LHFPL3: variants seen among roughly 807,000 people sequenced by gnomAD.
The protein encoded by LHFPL3 is LHFPL tetraspan subfamily member 3.
In LHFPL3, 5 loss-of-function variants were observed where a neutral mutation model predicts 19.3. That is an observed-to-expected ratio of 0.26 (90% confidence interval 0.14 to 0.54). The LOEUF (loss-of-function observed/expected upper bound fraction) is 0.54, where lower values mean the gene tolerates loss of function less well. Among genes scored for constraint, LHFPL3 ranks in the 20% least tolerant of loss-of-function variants. The pLI is 0.94. For missense variants in LHFPL3, 249 were observed against 307.4 expected (o/e 0.81, Z 1.42); for synonymous variants, 133 against 126.2 (o/e 1.05, Z -0.36).
At chr7:104,754,885 T>C (rs1329535266) in intron 2 of LHFPL3, among the ~76,000 whole-genome samples, 1 of 152,184 alleles carries the variant, frequency 6.6e-6, no homozygotes, top group East Asian at 1.9e-4. Flanking sequence ...TTGTTTTCTC[T>C]TCTATTTTCC....
intron 2 of LHFPL3, among the ~76,000 whole-genome samples, chr7:104,778,835 T>C (rs978431300): frequency 5.3e-5 from 8 of 152,194 alleles, no homozygotes; most frequent in Non-Finnish European, 1.0e-4. Flanking sequence ...TTCTCTAAAA[T>C]GGAGATAATG....
At chr7:104,363,626 G>A (rs1441948386) in intron 1 of LHFPL3, among the ~76,000 whole-genome samples, 1 of 152,230 alleles carries the variant, frequency 6.6e-6, no homozygotes, top group African/African-American at 2.4e-5. Flanking sequence ...TGTTGTGCAA[G>A]CGCTAACCTT....
intron 1 of LHFPL3, among the ~76,000 whole-genome samples, chr7:104,731,288 G>T (rs1485631084): frequency 7.0e-6 from 1 of 142,860 alleles, no homozygotes; most frequent in Admixed American, 7.3e-5. Context: ...GATGGGGATG[G>T]CATTGAATCT....
intron 1 of LHFPL3, among the ~76,000 whole-genome samples, chr7:104,583,550 C>A (rs1790504835): frequency 6.6e-6 from 1 of 152,170 alleles, no homozygotes; most frequent in African/African-American, 2.4e-5. Context: ...AAAATTTTTG[C>A]AACCTACTCA....
intron 1 of LHFPL3, among the ~76,000 whole-genome samples, chr7:104,509,648 TA>T (rs1287613479): frequency 6.6e-6 from 1 of 151,910 alleles, no homozygotes; most frequent in Non-Finnish European, 1.5e-5. Flanking sequence ...GGTAAAAAAT[TA>T]AATGCTTTGC....
chr7:104,679,509 C>T (rs557900946), intron 1 of LHFPL3, among the ~76,000 whole-genome samples: 1 of 152,332 alleles, frequency 6.6e-6, no homozygotes, highest in African/African-American at 2.4e-5. Flanking sequence ...TGTACCAAAA[C>T]ATGTGTGGAA....
intron 1 of LHFPL3, among the ~76,000 whole-genome samples, chr7:104,600,466 T>G (rs1790941889): frequency 6.6e-6 from 1 of 152,224 alleles, no homozygotes; most frequent in South Asian, 2.1e-4. Context: ...TCAATTTTGC[T>G]GTCACCAGAG....
chr7:104,698,379 GTAGACT>G (rs1425747346), intron 1 of LHFPL3, among the ~76,000 whole-genome samples: 3 of 152,156 alleles, frequency 2.0e-5, no homozygotes, highest in Non-Finnish European at 4.4e-5. Context: ...TTTTGGAGAA[GTAGACT>G]TAGATTTTTT....
At chr7:104,421,595 A>G (rs1791734393) in intron 1 of LHFPL3, among the ~76,000 whole-genome samples, 1 of 152,238 alleles carries the variant, frequency 6.6e-6, no homozygotes, top group South Asian at 2.1e-4. Context: ...AGGCTCAGCC[A>G]GAGAAGCCAG....
At chr7:104,733,264 A>G (rs1183485456) in intron 1 of LHFPL3, among the ~76,000 whole-genome samples, 1 of 152,142 alleles carries the variant, frequency 6.6e-6, no homozygotes, top group Non-Finnish European at 1.5e-5. Context: ...GCTGAATTCA[A>G]TTCCTGGATA....
chr7:104,828,910 C>T (rs1790877023), intron 2 of LHFPL3, among the ~76,000 whole-genome samples: 1 of 151,848 alleles, frequency 6.6e-6, no homozygotes, highest in Non-Finnish European at 1.5e-5. Context: ...TGGTGCACGC[C>T]TGTAATCCCA....
At chr7:104,658,019 AGAT>A (rs1792151146) in intron 1 of LHFPL3, among the ~76,000 whole-genome samples, 1 of 151,852 alleles carries the variant, frequency 6.6e-6, no homozygotes, top group Non-Finnish European at 1.5e-5. Context: ...GACAGAAAAA[AGAT>A]AGGGCCATTA....
At chr7:104,343,673 A>T (rs1227622185) in intron 1 of LHFPL3, among the ~76,000 whole-genome samples, 1 of 151,876 alleles carries the variant, frequency 6.6e-6, no homozygotes, top group Non-Finnish European at 1.5e-5. Context: ...AACCATTGTC[A>T]CTTCATCTGC....
At chr7:104,528,697 C>A (rs28694378) in intron 1 of LHFPL3, among the ~76,000 whole-genome samples, 2,405 of 152,120 alleles carry the variant, frequency 0.016, 65 homozygotes, top group African/African-American at 0.055. Flanking sequence ...CCTGAGAATA[C>A]CAAGCTTTTT....
intron 1 of LHFPL3, among the ~76,000 whole-genome samples, chr7:104,664,333 C>A (rs1337214824): frequency 3.9e-5 from 6 of 152,140 alleles, no homozygotes; most frequent in Non-Finnish European, 8.8e-5. Context: ...AATGACCCTC[C>A]AATTCTTTTT....
intron 1 of LHFPL3, among the ~76,000 whole-genome samples, chr7:104,580,954 T>C (rs1460234057): frequency 2.0e-5 from 3 of 152,118 alleles, no homozygotes; most frequent in African/African-American, 4.8e-5. Flanking sequence ...TAGGTTATTT[T>C]CAGTTTATGA....
At chr7:104,409,738 G>A in intron 1 of LHFPL3, among the ~76,000 whole-genome samples, 1 of 152,124 alleles carries the variant, frequency 6.6e-6, no homozygotes, top group East Asian at 1.9e-4. Flanking sequence ...TGATTAAATG[G>A]TTAAAACAGA....
chr7:104,631,027 C>T (rs1357164421), intron 1 of LHFPL3, among the ~76,000 whole-genome samples: 2 of 152,124 alleles, frequency 1.3e-5, no homozygotes, highest in African/African-American at 2.4e-5. Flanking sequence ...CCTTTCAGAA[C>T]TTGCTGAAAT....
intron 1 of LHFPL3, among the ~76,000 whole-genome samples, chr7:104,355,095 C>A (rs183039829): frequency 1.1e-4 from 17 of 152,162 alleles, no homozygotes; most frequent in African/African-American, 3.4e-4. Flanking sequence ...TTTGGATATG[C>A]CTGATTATTA....
Sources: gnomAD v4.1 joint callset for allele counts (sites outside exome capture counted in the v4.1 genomes callset) on GRCh38, gnomAD v4.1.1 for gene constraint, MANE v1.5 for transcripts, NCBI Gene and HGNC (gene_info 2026-07-23, HGNC 2026-07-21) for gene names.